The following BICDL1 variants were observed in gnomAD, a reference collection of about 807,000 sequenced individuals.
BICDL1 encodes the protein BICD family like cargo adaptor 1.
In BICDL1, 20 loss-of-function variants were observed where a neutral mutation model predicts 76.8. The ratio of observed to expected loss-of-function variants is 0.26; its 90% CI spans 0.18 to 0.38. The LOEUF is 0.38. Ranked by LOEUF, BICDL1 falls within the 10% of genes least tolerant of loss-of-function variation. The pLI is 1.00. For missense variants in BICDL1, 700 were observed against 798.6 expected (o/e 0.88, Z 1.49); for synonymous variants, 383 against 337.1 (o/e 1.14, Z -1.49).
intron 4 of BICDL1, 93 bp downstream of exon 4, chr12:120,064,972 T>G: frequency 1.4e-6 from 2 of 1,401,608 alleles, no homozygotes; most frequent in Non-Finnish European, 1.9e-6. Context: ...GCATCACTGC[T>G]GGGGTAAGCT....
intron 2 of BICDL1, among the ~76,000 whole-genome samples, chr12:120,008,020 AAAG>A (rs1488216994): frequency 2.0e-5 from 3 of 152,178 alleles, no homozygotes; most frequent in Non-Finnish European, 4.4e-5. Context: ...CCTATTCTAG[AAAG>A]AAGTTATGAA....
At chr12:120,036,069 A>G (rs1049262269) in intron 2 of BICDL1, among the ~76,000 whole-genome samples, 16 of 152,222 alleles carry the variant, frequency 1.1e-4, no homozygotes, top group African/African-American at 3.4e-4. Context: ...ATTTCATTGT[A>G]TGAATATTCA....
At position 119,989,271 on chromosome 12, in the gene BICDL1, T is replaced by A. The variant is rs7306494; in HGVS notation, c.-598T>A. ...TCGCCGGGTTGCGCGGCGCGCGATG[T>A]GGAGCCGCCGCCTCGGCCCCTGCAG... On this transcript the variant is annotated 5_prime_UTR_variant, in exon 1 of 10. Transcript: ENST00000548673. 0.052 allele frequency among the ~76,000 whole-genome samples: 7,798 copies of A among 149,896 alleles called. 443 individuals carry two copies. The highest frequency in any genetic ancestry group is 0.14 in the African/African-American group (5,685 of 41,108).
chr12:119,996,988 G>A (rs1480364914), intron 1 of BICDL1, among the ~76,000 whole-genome samples: 3 of 148,326 alleles, frequency 2.0e-5, no homozygotes, highest in East Asian at 2.0e-4. Flanking sequence ...TCGCTCCGTC[G>A]TCCGGGCTAG....
At chr12:120,025,279 T>C (rs941137164) in intron 2 of BICDL1, among the ~76,000 whole-genome samples, 2 of 151,780 alleles carry the variant, frequency 1.3e-5, no homozygotes, top group Non-Finnish European at 1.5e-5. Flanking sequence ...CTTGATCTCC[T>C]GACCTCGTGA....
chr12:120,017,950 TC>T (rs1952099587), intron 2 of BICDL1, among the ~76,000 whole-genome samples: 1 of 152,214 alleles, frequency 6.6e-6, no homozygotes, highest in African/African-American at 2.4e-5. Context: ...AACACCTGTT[TC>T]CATGCTTGAT....
intron 2 of BICDL1, chr12:120,057,134 G>T: frequency 1.9e-6 from 1 of 519,426 alleles, no homozygotes; most frequent in South Asian, 1.4e-5. Flanking sequence ...TATCATGGAT[G>T]ACAGGTTCCC....
intron 2 of BICDL1, among the ~76,000 whole-genome samples, chr12:120,031,047 C>G (rs947466146): frequency 6.6e-6 from 1 of 152,122 alleles, no homozygotes; most frequent in Non-Finnish European, 1.5e-5. Context: ...GAACTGACCA[C>G]CAACTACAGG....
At chr12:120,029,915 G>A (rs964217501) in intron 2 of BICDL1, among the ~76,000 whole-genome samples, 2 of 152,156 alleles carry the variant, frequency 1.3e-5, no homozygotes, top group South Asian at 4.1e-4. Context: ...CCAAAGTGCT[G>A]AGATTATAGG....
At chr12:119,996,949 GA>G (rs140104998) in intron 1 of BICDL1, among the ~76,000 whole-genome samples, 12,583 of 148,262 alleles carry the variant, frequency 0.085, 631 homozygotes, top group African/African-American at 0.14. Flanking sequence ...GAAACAAAAA[GA>G]TTTTTTTTTT....
At chr12:120,033,469 C>T (rs574676130) in intron 2 of BICDL1, among the ~76,000 whole-genome samples, 105 of 149,104 alleles carry the variant, frequency 7.0e-4, no homozygotes, top group Non-Finnish European at 1.3e-3. Flanking sequence ...CTCCGCCTCC[C>T]GGGTTCACGC....
intron 9 of BICDL1, 61 bp downstream of exon 9, chr12:120,090,132 G>A: frequency 1.3e-6 from 2 of 1,592,564 alleles, no homozygotes; most frequent in Non-Finnish European, 1.7e-6. Context: ...CTGAACCCAG[G>A]CAGAGTGTAA....
At chr12:120,054,267 G>C (rs1952928674) in intron 2 of BICDL1, among the ~76,000 whole-genome samples, 1 of 151,824 alleles carries the variant, frequency 6.6e-6, no homozygotes, top group African/African-American at 2.4e-5. Context: ...TAGAGATAGA[G>C]TTTCTGCATG....
At chr12:120,031,316 G>T (rs1359523994) in intron 2 of BICDL1, among the ~76,000 whole-genome samples, 1 of 149,614 alleles carries the variant, frequency 6.7e-6, no homozygotes, top group Non-Finnish European at 1.5e-5. Flanking sequence ...CCATTCTCCT[G>T]CCTCAGCCTC....
chr12:120,030,153 G>C (rs1487532549), intron 2 of BICDL1, among the ~76,000 whole-genome samples: 1 of 152,164 alleles, frequency 6.6e-6, no homozygotes, highest in Non-Finnish European at 1.5e-5. Context: ...GTGTGAGTGA[G>C]TGATGAGGAC....
At chr12:119,995,168 G>C (rs892059370) in intron 1 of BICDL1, among the ~76,000 whole-genome samples, 3 of 152,168 alleles carry the variant, frequency 2.0e-5, no homozygotes, top group African/African-American at 7.2e-5. Flanking sequence ...AGCAGAACTT[G>C]ACCTTCACAC....
chr12:120,044,003 G>T (rs1952697409), intron 2 of BICDL1, among the ~76,000 whole-genome samples: 1 of 152,166 alleles, frequency 6.6e-6, no homozygotes, highest in South Asian at 2.1e-4. Context: ...TCTTATAATG[G>T]CAATATGGAA....
At chr12:120,053,850 T>A (rs1952916075) in intron 2 of BICDL1, among the ~76,000 whole-genome samples, 1 of 152,124 alleles carries the variant, frequency 6.6e-6, no homozygotes, top group Non-Finnish European at 1.5e-5. Context: ...AATACATGTA[T>A]GTTTATCAGA....
In BICDL1 at chr12:120,093,082, G is replaced by GGGGCCACAGCGCTGGGCGGGGGGAT; in HGVS notation, c.1789_1813dup (p.Glu605GlyfsTer9). The GGGGCCACAGCGCTGGGCGGGGGGAT allele has an allele frequency of 6.2e-7, 1 of 1,609,794 alleles. No homozygotes were observed. The highest frequency in any genetic ancestry group is 8.5e-7 in the Non-Finnish European group (1 of 1,177,720). On this transcript the variant is annotated frameshift_variant, in exon 10 of 10. Coordinates refer to ENST00000548673, the MANE Select transcript of BICDL1 (RefSeq NM_001367886.1). LOFTEE classifies it high-confidence loss of function. ...AGCCAGCCGGCTGCTGCCCTCTGCA[G>GGGGCCACAGCGCTGGGCGGGGGGAT]GGGCCACAGCGCTGGGCGGGGGGAT...
Sources: gnomAD v4.1 joint callset for allele counts (sites outside exome capture counted in the v4.1 genomes callset) on GRCh38, gnomAD v4.1.1 for gene constraint, MANE v1.5 for transcripts, NCBI Gene and HGNC (gene_info 2026-07-23, HGNC 2026-07-21) for gene names.